Variants in STPG2 observed in about 807,000 individuals in gnomAD.
STPG2 encodes sperm-tail PG-rich repeat-containing protein 2.
In STPG2, 56 loss-of-function variants were observed where a neutral mutation model predicts 54.2. That is an observed-to-expected ratio of 1.03 (90% confidence interval 0.83 to 1.29). The LOEUF (loss-of-function observed/expected upper bound fraction) is 1.29, where lower values mean the gene tolerates loss of function less well. Ranked by LOEUF, STPG2 falls within the 50% of genes most tolerant of loss-of-function variation. The pLI is 0.00. For synonymous variants in STPG2, 200 were observed against 181.8 expected (o/e 1.10, Z -0.81); for missense variants, 596 against 544.9 (o/e 1.09, Z -0.93).
intron 8 of STPG2, among the ~76,000 whole-genome samples, chr4:97,940,832 G>C (rs1303292254): frequency 6.6e-6 from 1 of 151,992 alleles, no homozygotes; most frequent in Admixed American, 6.6e-5. Context: ...CCTGCCTCTT[G>C]AAGAATATGT....
At chr4:97,860,638 A>C (rs1729495439) in intron 8 of STPG2, among the ~76,000 whole-genome samples, 1 of 152,018 alleles carries the variant, frequency 6.6e-6, no homozygotes, top group Non-Finnish European at 1.5e-5. Flanking sequence ...GTATACTGAA[A>C]TGTTACTGAA....
chr4:98,138,569 T>C (rs1578189425), intron 1 of STPG2, among the ~76,000 whole-genome samples: 1 of 152,126 alleles, frequency 6.6e-6, no homozygotes, highest in Admixed American at 6.5e-5. Flanking sequence ...TTTTCACATA[T>C]AAGCAGTAAT....
At chr4:98,043,028 A>G (rs1737013256) in intron 5 of STPG2, among the ~76,000 whole-genome samples, 1 of 152,090 alleles carries the variant, frequency 6.6e-6, no homozygotes, top group South Asian at 2.1e-4. Context: ...TGTTGGGTGC[A>G]TATATTACAA....
chr4:97,950,104 T>C (rs982949041), intron 7 of STPG2, among the ~76,000 whole-genome samples: 1 of 152,028 alleles, frequency 6.6e-6, no homozygotes, highest in Admixed American at 6.6e-5. Context: ...TTAAAATATT[T>C]ATCTCTTTAG....
intron 5 of STPG2, among the ~76,000 whole-genome samples, chr4:98,094,496 G>A (rs1476221345): frequency 1.3e-5 from 2 of 152,132 alleles, no homozygotes; most frequent in East Asian, 3.9e-4. Context: ...ACTTTGTCTC[G>A]CACCAACTCG....
intron 4 of STPG2, among the ~76,000 whole-genome samples, chr4:97,531,873 G>A (rs1731421723): frequency 6.6e-6 from 1 of 152,100 alleles, no homozygotes; most frequent in Non-Finnish European, 1.5e-5. Flanking sequence ...GAATATAATT[G>A]GATTATTTGT....
chr4:97,918,031 C>T (rs1731949876), intron 8 of STPG2, among the ~76,000 whole-genome samples: 1 of 151,826 alleles, frequency 6.6e-6, no homozygotes, highest in Admixed American at 6.6e-5. Flanking sequence ...AACAAATAAA[C>T]AATCTTTCTA....
chr4:97,901,569 T>C (rs778629564), intron 8 of STPG2, among the ~76,000 whole-genome samples: 3 of 151,898 alleles, frequency 2.0e-5, no homozygotes, highest in Non-Finnish European at 4.4e-5. Context: ...AAGAAAACCA[T>C]CTTATTTCTT....
At chr4:97,992,357 TC>T (rs1238416104) in intron 5 of STPG2, among the ~76,000 whole-genome samples, 5 of 152,170 alleles carry the variant, frequency 3.3e-5, no homozygotes, top group African/African-American at 1.2e-4. Flanking sequence ...GAATAGGGTG[TC>T]CTTTCGCCAC....
intron 9 of STPG2, among the ~76,000 whole-genome samples, chr4:97,766,728 T>C (rs961137191): frequency 1.3e-5 from 2 of 152,064 alleles, no homozygotes; most frequent in African/African-American, 4.8e-5. Flanking sequence ...CTTTAGTAAG[T>C]TTTATTTTGC....
intron 8 of STPG2, among the ~76,000 whole-genome samples, chr4:97,903,729 T>A (rs971221391): frequency 2.0e-5 from 3 of 152,156 alleles, no homozygotes; most frequent in Admixed American, 6.5e-5. Flanking sequence ...TGGGCGCAGG[T>A]CAGTGGGTGC....
In STPG2 at chr4:98,128,483, C is replaced by T. The variant is rs1320063379; in HGVS notation, c.332G>A (p.Cys111Tyr). 2 of 1,613,432 alleles carry T rather than the reference C, an allele frequency of 1.2e-6. No homozygotes were observed. The highest frequency in any genetic ancestry group is 3.3e-5 in the Admixed American group (2 of 59,934). ...HINDDGSIIK[C>Y]FPPACDSTLG... Reference sequence around the variant, plus strand: ...TGTACTGTCACAAGCAGGTGGAAAACATTTTATAATACTGCCATCATCATT... The same window carrying T: ...TGTACTGTCACAAGCAGGTGGAAAATATTTTATAATACTGCCATCATCATT... The change falls in exon 3 of 11, where the codon TGT becomes TAT. Residue 111 changes from cysteine to tyrosine, a missense_variant. Transcript: ENST00000295268.
chr4:98,083,619 G>A (rs1417284623), intron 5 of STPG2, among the ~76,000 whole-genome samples: 1 of 152,124 alleles, frequency 6.6e-6, no homozygotes, highest in Non-Finnish European at 1.5e-5. Flanking sequence ...ATTCCAGGAA[G>A]AGGGGATACC....
chr4:97,845,019 G>GT (rs1399407939), intron 8 of STPG2, among the ~76,000 whole-genome samples: 1 of 151,026 alleles, frequency 6.6e-6, no homozygotes, highest in Admixed American at 6.6e-5. Context: ...TTGTTCTTTT[G>GT]TTTCTTTGCT....
chr4:97,882,523 A>G (rs1730415244), intron 8 of STPG2, among the ~76,000 whole-genome samples: 1 of 152,178 alleles, frequency 6.6e-6, no homozygotes, highest in African/African-American at 2.4e-5. Context: ...CCAGCCAGAT[A>G]CCCAAGGTCA....
At chr4:97,878,435 C>G (rs1241403975) in intron 8 of STPG2, among the ~76,000 whole-genome samples, 1 of 152,228 alleles carries the variant, frequency 6.6e-6, no homozygotes, top group African/African-American at 2.4e-5. Context: ...TATACATCCT[C>G]TTAAATCTAG....
At chr4:97,957,145 C>CATGTGAAATATATATGAAATATAT (rs1553928832) in intron 7 of STPG2, among the ~76,000 whole-genome samples, 205 of 138,476 alleles carry the variant, frequency 1.5e-3, no homozygotes, top group African/African-American at 5.5e-3. Flanking sequence ...ATGAAATATA[C>CATGTGAAATATATATGAAATATAT]ATGTGAAATA....
intron 5 of STPG2, among the ~76,000 whole-genome samples, chr4:98,038,522 A>T (rs1736842284): frequency 1.3e-5 from 2 of 152,052 alleles, no homozygotes; most frequent in Non-Finnish European, 2.9e-5. Context: ...ACTGCTTTTA[A>T]ACACAAATAA....
chr4:97,897,140 C>T (rs575644825), intron 8 of STPG2, among the ~76,000 whole-genome samples: 15 of 151,910 alleles, frequency 9.9e-5, no homozygotes, highest in Admixed American at 2.6e-4. Context: ...CTCCCACTTA[C>T]GAGTGAAAAT....
Sources: allele counts gnomAD v4.1 joint callset (sites outside exome capture counted in the v4.1 genomes callset), GRCh38; gene constraint gnomAD v4.1.1; transcripts MANE v1.5; gene names NCBI Gene and HGNC (gene_info 2026-07-23, HGNC 2026-07-21).